Variants in GPS1 observed in about 807,000 individuals in gnomAD.
The protein encoded by GPS1 is G protein pathway suppressor 1.
In GPS1, 11 loss-of-function variants were observed where a neutral mutation model predicts 60.0. The observed-to-expected ratio is 0.18, with a 90% CI of 0.12 to 0.30. The LOEUF (loss-of-function observed/expected upper bound fraction) is 0.30, where lower values mean the gene tolerates loss of function less well. Ranked by LOEUF, GPS1 falls within the 10% of genes least tolerant of loss-of-function variation. GPS1 has a pLI of 1.00. For missense variants in GPS1, 543 were observed against 669.2 expected, an observed-to-expected ratio of 0.81 and a Z score of 2.08; for synonymous variants, 343 against 269.8, an observed-to-expected ratio of 1.27 and a Z score of -2.66.
intron 10 of GPS1, 28 bp downstream of exon 10, chr17:82,056,578 G>A (rs370647681): frequency 5.0e-6 from 8 of 1,612,540 alleles, no homozygotes; most frequent in African/African-American, 2.7e-5. Flanking sequence ...GCTGGCACAC[G>A]GCAGGCGGGC....
chr17:82,053,586 C>T (rs937499859), intron 2 of GPS1: 4 of 520,882 alleles, frequency 7.7e-6, no homozygotes, highest in Non-Finnish European at 1.0e-5. Context: ...GGCAGGTCTC[C>T]TCCCCGCTCA....
rs138209089 is a variant in GPS1, at chr17:82,056,346, C to T, written c.990C>T (p.Tyr330=). Residue 330 remains tyrosine (Y), a synonymous_variant, in exon 9 of 13, where the codon TAC becomes TAT. Coordinates refer to ENST00000578552, the MANE Select transcript of GPS1 (RefSeq NM_001321092.3). The stretch of plus-strand genomic sequence containing the variant: ...TCCGAGACATCATCTTCAAATTCTA[C>T]GAGTCCAAGTACGCCTCATGTCTCA... The part of the protein sequence containing the change: ...PQVRDIIFKF[Y]ESKYASCLKM... The T allele has an allele frequency of 2.9e-5, 47 of 1,613,348 alleles. No individual in the cohort carries two copies. Among genetic ancestry groups the T allele is most frequent in the South Asian group, 2.4e-4 (22 of 91,084 alleles).
chr17:82,051,320 T>C (rs1486815513), upstream of GPS1: 2 of 1,442,186 alleles, frequency 1.4e-6, no homozygotes, highest in South Asian at 1.6e-5. This position sits in a 1 kb window ranked among gnomAD's most constrained non-coding sequence, Gnocchi z 4.1. Flanking sequence ...CTCAGGGTCG[T>C]CCCCGTCGGT....
intron 8 of GPS1, 35 bp downstream of exon 8, chr17:82,056,130 C>T: frequency 2.6e-6 from 4 of 1,532,846 alleles, no homozygotes; most frequent in Non-Finnish European, 3.6e-6. Flanking sequence ...TGAAGGCTGT[C>T]CCCGTCCCTC....
rs1252766196 is a variant in GPS1, at chr17:82,055,901, C to G, written c.834+76C>G. ...GGCTGCTTCTGTAGGAGGGTGAGGTCTCTCACAAATGGGGTCTTAGGCATT... is the reference window on the plus strand; with the variant it reads ...GGCTGCTTCTGTAGGAGGGTGAGGTGTCTCACAAATGGGGTCTTAGGCATT... On this transcript the variant is annotated intron_variant, in intron 7 of 12. Transcript: ENST00000578552. 3.4e-6 allele frequency: 5 copies of G among 1,452,444 alleles called. No homozygotes were observed. The Admixed American group carries it at 5.7e-5, about 16-fold the overall frequency. 90.0% of individuals were successfully genotyped at this position (1,452,444 alleles called of 1,614,324 possible).
At position 82,053,329 on chromosome 17, in the gene GPS1, C is replaced by T; in HGVS notation, c.89C>T (p.Ala30Val). Residue 30 changes from alanine to valine, a missense_variant, in exon 2 of 13, where the codon GCA becomes GTA. This residue lies in a region of GPS1 where 181 missense variants were observed against 188.8 expected (regional missense o/e 0.96). Transcript: ENST00000578552. ...GACCCCCAGGAAGACCCGCAGAATG[C>T]ACCTGACGTCAACTACGTGGTGGAG... ...DVDPQEDPQN[A>V]PDVNYVVENP... 1 of 1,540,664 alleles carries T rather than the reference C, an allele frequency of 6.5e-7. No homozygotes were observed. Among genetic ancestry groups the T allele is most frequent in the Non-Finnish European group, 8.7e-7 (1 of 1,151,732 alleles).
chr17:82,052,907 G>A, intron 1 of GPS1: 1 of 246,848 alleles, frequency 4.1e-6, no homozygotes, highest in South Asian at 7.9e-5. Context: ...CTTCTCCGTG[G>A]CTTGGAGGAA....
Position 82,057,306 on chromosome 17 carries a change from C to T in GPS1, c.*179C>T. On this transcript the variant is annotated 3_prime_UTR_variant, in exon 13 of 13. Coordinates refer to ENST00000578552, the MANE Select transcript of GPS1 (RefSeq NM_001321092.3). ...AGGCGGCTGCTAGTTGTGGCCCTTC[C>T]TGGAAGGAGAGGCCTGCAGGGCTCG... 1.2e-6 allele frequency: 1 copy of T among 840,228 alleles called. No individual in the cohort carries two copies. The highest frequency in any genetic ancestry group is 1.4e-5 in the South Asian group (1 of 69,484). 52.0% of individuals were successfully genotyped at this position (840,228 alleles called of 1,614,324 possible).
intron 5 of GPS1, 53 bp downstream of exon 5, chr17:82,055,028 GCCCCTCCTGTCCTC>G: frequency 6.2e-7 from 1 of 1,606,836 alleles, no homozygotes; most frequent in Non-Finnish European, 8.5e-7. Flanking sequence ...ACCACTGCTG[GCCCCTCCTGTCCTC>G]CCCCACCTCA....
chr17:82,051,430 C>A, upstream of GPS1: 3 of 1,378,952 alleles, frequency 2.2e-6, no homozygotes, highest in South Asian at 5.4e-5. The surrounding 1 kb of genome is among the most constrained non-coding windows in gnomAD (Gnocchi z 4.1). Context: ...GGGGCCTGGG[C>A]CGGGCCTAGA....
At chr17:82,052,405 G>C in intron 1 of GPS1, 1 of 1,611,704 alleles carries the variant, frequency 6.2e-7, no homozygotes, top group South Asian at 1.1e-5. Flanking sequence ...TGCCCGGCAC[G>C]GCCGGGGACT....
chr17:82,056,182 GC>G, intron 8 of GPS1, 87 bp downstream of exon 8: 1 of 1,382,760 alleles, frequency 7.2e-7, no homozygotes. Flanking sequence ...TGGCCCCCTG[GC>G]CCCAGCGTTT....
chr17:82,052,349 A>G (rs1421918632), intron 1 of GPS1: 1 of 1,612,804 alleles, frequency 6.2e-7, no homozygotes, highest in Non-Finnish European at 8.5e-7. Flanking sequence ...CTCGTCAGTG[A>G]CAGATCTGTA....
chr17:82,053,981 C>G lies in GPS1; in HGVS notation c.240C>G (p.Ser80=), dbSNP rs375828913. 21 of 1,612,850 alleles carry G rather than the reference C, an allele frequency of 1.3e-5. No individual in the cohort carries two copies. Among genetic ancestry groups the G allele is most frequent in the Non-Finnish European group, 1.8e-5 (21 of 1,179,900 alleles). ...LRVEALKMAL[S]FVQRTFNVDM... ...TGGAGGCCCTGAAGATGGCCCTCTC[C>G]TTCGTGCAGAGAACCTTTAACGTGG... The change falls in exon 3 of 13, where the codon TCC becomes TCG. Residue 80 remains serine, a synonymous_variant. Transcript: ENST00000578552.
In GPS1 at chr17:82,056,636, G is replaced by A. The variant is rs1285893895; in HGVS notation, c.1124G>A (p.Ser375Asn). 1.2e-6 allele frequency: 2 copies of A among 1,610,512 alleles called. No homozygotes were observed. The highest frequency in any genetic ancestry group is 1.7e-5 in the Admixed American group (1 of 59,910). ...IRNRALIQYFSPYVSADMHRM... is the reference protein window; with the variant it reads ...IRNRALIQYFNPYVSADMHRM... ...CTTCCCTCTGCCCTGCAGTATTTCA[G>A]CCCCTACGTGTCAGCCGACATGCAT... Residue 375 changes from serine to asparagine, a missense_variant, in exon 11 of 13, where the codon AGC becomes AAC. Coordinates refer to ENST00000578552, the MANE Select transcript of GPS1 (RefSeq NM_001321092.3).
chr17:82,051,578 G>C (rs1385216391), upstream of GPS1: 4 of 1,350,926 alleles, frequency 3.0e-6, no homozygotes, highest in Non-Finnish European at 3.8e-6. This position sits in a 1 kb window ranked among gnomAD's most constrained non-coding sequence, Gnocchi z 4.1. Context: ...TGGTCTTGAC[G>C]GCGATGAAGA....
upstream of GPS1, chr17:82,051,650 G>A (rs2030633889): frequency 2.9e-6 from 3 of 1,038,734 alleles, no homozygotes; most frequent in South Asian, 4.5e-5. The surrounding 1 kb of genome is among the most constrained non-coding windows in gnomAD (Gnocchi z 4.1). Flanking sequence ...GGGCCGGGGC[G>A]GGGGTCCGGG....
chr17:82,056,876 A>C lies in GPS1; in HGVS notation c.1291A>C (p.Thr431Pro). ...YARDVDQRST[T>P]FEKSLLMGKE... ...CCGGGACGTGGATCAGCGCAGCACCACCTTTGAGAAGTCTCTGTTGATGGG... is the reference window on the plus strand; with the variant it reads ...CCGGGACGTGGATCAGCGCAGCACCCCCTTTGAGAAGTCTCTGTTGATGGG... The change falls in exon 12 of 13, where the codon ACC becomes CCC. Residue 431 changes from threonine (T) to proline (P), a missense_variant. Around this residue, in one of 3 missense-constraint regions of GPS1, gnomAD observed 291 missense variants for 353.7 expected, o/e 0.82. Transcript: ENST00000578552. 1 of 1,612,814 alleles carries C rather than the reference A, an allele frequency of 6.2e-7. No individual in the cohort carries two copies. Among genetic ancestry groups the C allele is most frequent in the Non-Finnish European group, 8.5e-7 (1 of 1,179,924 alleles).
Position 82,053,912 on chromosome 17 carries a change from C to T in GPS1, c.171C>T (p.Ile57=), listed in dbSNP as rs370729480. 1.3e-4 allele frequency: 209 copies of T among 1,612,658 alleles called. 1 individual carries two copies. Among genetic ancestry groups the T allele is most frequent in the South Asian group, 4.2e-4 (38 of 91,074 alleles). Residue 57 remains isoleucine, a synonymous_variant, in exon 3 of 13, where the codon ATC becomes ATT. Coordinates refer to ENST00000578552, the MANE Select transcript of GPS1 (RefSeq NM_001321092.3). ...CCAGCTACAGCGGCCTGATGCGCATCGAACGGCTGCAGTTCATTGCTGATC... is the reference window on the plus strand; with the variant it reads ...CCAGCTACAGCGGCCTGATGCGCATTGAACGGCTGCAGTTCATTGCTGATC... ...YAASYSGLMR[I]ERLQFIADHC...
Sources: gnomAD v4.1 joint callset for allele counts on GRCh38, gnomAD v4.1.1 for gene constraint, gnomAD v4.1.1 regional missense constraint, Gnocchi (gnomAD v3.1) non-coding constraint, MANE v1.5 for transcripts, NCBI Gene and HGNC (gene_info 2026-07-23, HGNC 2026-07-21) for gene names.